Variants in BTBD7 observed in about 807,000 individuals in gnomAD.
BTBD7 encodes BTB domain containing 7.
BTBD7 carries 38 observed loss-of-function variants against 99.9 expected under a neutral mutation model. The ratio of observed to expected loss-of-function variants is 0.38; its 90% CI spans 0.29 to 0.50. The LOEUF (loss-of-function observed/expected upper bound fraction) is 0.50, where lower values mean the gene tolerates loss of function less well. BTBD7 is among the 20% of genes least tolerant of loss of function. The probability of loss-of-function intolerance (pLI) is 0.93; values close to 1 mark genes in which losing one functional copy is unlikely to be tolerated. For synonymous variants in BTBD7, 520 were observed against 511.4 expected, an observed-to-expected ratio of 1.02 and a Z score of -0.23; for missense variants, 1,170 against 1,394.6, an observed-to-expected ratio of 0.84 and a Z score of 2.57.
chr14:93,251,343 G>C, intron 8 of BTBD7, 120 bp downstream of exon 8: 1 of 1,087,172 alleles, frequency 9.2e-7, no homozygotes, highest in Non-Finnish European at 1.3e-6. Context: ...AGGAGAACAA[G>C]GCATAAAAAG....
intron 8 of BTBD7, 95 bp downstream of exon 8, chr14:93,251,368 G>T: frequency 8.0e-7 from 1 of 1,256,840 alleles, no homozygotes; most frequent in South Asian, 2.0e-5. Context: ...GAAATGTGGA[G>T]AGAATTAGCA....
chr14:93,267,333 A>G (rs1282762805), intron 3 of BTBD7, among the ~76,000 whole-genome samples: 2 of 152,234 alleles, frequency 1.3e-5, no homozygotes, highest in African/African-American at 4.8e-5. Context: ...CACTTTAGGC[A>G]AATCACTTCA....
In BTBD7 at chr14:93,328,152, T is replaced by C. The variant is rs965876772; in HGVS notation, c.-107+4668A>G. On this transcript the variant is annotated intron_variant, in intron 1 of 10. Coordinates refer to ENST00000334746, the MANE Select transcript of BTBD7 (RefSeq NM_001002860.4). ...TAAATGGAAAGATATTCCATGTTCATGGACTGGAAGACAGTATTTAGATGT... is the reference window on the plus strand; with the variant it reads ...TAAATGGAAAGATATTCCATGTTCACGGACTGGAAGACAGTATTTAGATGT... Among the ~76,000 whole-genome samples the C allele has an allele frequency of 5.9e-5, 9 of 152,332 alleles. 1 individual carries two copies. In the South Asian group the frequency reaches 1.0e-3, roughly 18 times the overall value.
intron 1 of BTBD7, among the ~76,000 whole-genome samples, chr14:93,312,586 C>A (rs2053150360): frequency 6.6e-6 from 1 of 152,148 alleles, no homozygotes; most frequent in South Asian, 2.1e-4. Context: ...CCCAGAGATT[C>A]CCTCCTTGTC....
chr14:93,239,357 T>C lies in BTBD7; in HGVS notation c.*2916A>G, dbSNP rs910219069. The C allele has an allele frequency of 1.3e-5, 2 of 152,528 alleles. No homozygotes were observed. The highest frequency in any genetic ancestry group is 2.9e-5 in the Non-Finnish European group (2 of 68,020). The allele number at this position is 152,528 out of a possible 1,614,324, so 9.4% of individuals were successfully genotyped here. On this transcript the variant is annotated 3_prime_UTR_variant, in exon 11 of 11. Transcript: ENST00000334746. ...GATTGTCCACGATCTCAAAAGGAGA[T>C]CTGGTATTTTTGTGATTTGGTTCTC...
intron 8 of BTBD7, among the ~76,000 whole-genome samples, chr14:93,251,156 T>G (rs1319617753): frequency 2.6e-5 from 4 of 152,174 alleles, no homozygotes; most frequent in African/African-American, 4.8e-5. Context: ...AGGCCAGGAA[T>G]GCAGCTGACC....
chr14:93,296,109 C>A lies in BTBD7; in HGVS notation c.-58G>T. The stretch of plus-strand genomic sequence containing the variant: ...GTTCTTCAGAGTATAATCCCAGAGG[C>A]CTTTATGAACCTTCAACCCTGGATC... On this transcript the variant is annotated 5_prime_UTR_variant, in exon 2 of 11. Coordinates refer to ENST00000334746, the MANE Select transcript of BTBD7 (RefSeq NM_001002860.4). 1.3e-6 allele frequency: 2 copies of A among 1,564,914 alleles called. No individual in the cohort carries two copies. Among genetic ancestry groups the A allele is most frequent in the Non-Finnish European group, 1.7e-6 (2 of 1,153,500 alleles).
intron 3 of BTBD7, among the ~76,000 whole-genome samples, chr14:93,265,949 C>A (rs148877055): frequency 6.6e-6 from 1 of 152,198 alleles, no homozygotes; most frequent in African/African-American, 2.4e-5. Flanking sequence ...AAACAAAAAT[C>A]TTGGATAATG....
chr14:93,325,189 C>T (rs1311691911), intron 1 of BTBD7, among the ~76,000 whole-genome samples: 1 of 146,018 alleles, frequency 6.8e-6, no homozygotes, highest in Non-Finnish European at 1.5e-5. Flanking sequence ...TCTTGGCTCA[C>T]TGCAACCTCC....
intron 1 of BTBD7, among the ~76,000 whole-genome samples, chr14:93,319,654 G>A (rs1373456084): frequency 1.3e-5 from 2 of 152,140 alleles, no homozygotes; most frequent in Non-Finnish European, 2.9e-5. Context: ...GGGGCTGGGG[G>A]GAAATGCAGA....
chr14:93,257,237 A>C lies in BTBD7; in HGVS notation c.1566T>G (p.Ile522Met). Reference protein sequence around the residue: ...ILSSLLPFVRIEHILPINSEV... With the variant: ...ILSSLLPFVRMEHILPINSEV... ...CACTGTTTATAGGTAAGATGTGTTC[A>C]ATTCGCACAAAAGGTAAGAGAGAAG... The change falls in exon 6 of 11, where the codon ATT (isoleucine) becomes ATG (methionine). Residue 522 changes from isoleucine to methionine, a missense_variant. Around this residue, in one of 4 missense-constraint regions of BTBD7, gnomAD observed 309 missense variants for 342.0 expected, o/e 0.90. Transcript: ENST00000334746. The C allele has an allele frequency of 6.2e-7, 1 of 1,614,188 alleles. No homozygotes were observed. Among genetic ancestry groups the C allele is most frequent in the Non-Finnish European group, 8.5e-7 (1 of 1,180,012 alleles).
chr14:93,301,796 C>T (rs1406026516), intron 1 of BTBD7, among the ~76,000 whole-genome samples: 2 of 152,192 alleles, frequency 1.3e-5, no homozygotes, highest in Non-Finnish European at 2.9e-5. Flanking sequence ...TTATAACAGA[C>T]CATAGGCATT....
intron 1 of BTBD7, among the ~76,000 whole-genome samples, chr14:93,297,947 G>A (rs1406369458): frequency 6.6e-6 from 1 of 152,244 alleles, no homozygotes; most frequent in Admixed American, 6.5e-5. Flanking sequence ...AGTGTAAGGG[G>A]AGATGGTGAA....
chr14:93,280,017 C>T (rs554626562), intron 3 of BTBD7, among the ~76,000 whole-genome samples: 1 of 152,284 alleles, frequency 6.6e-6, no homozygotes, highest in East Asian at 1.9e-4. Context: ...CTGTATCCAT[C>T]TACTTTTATT....
chr14:93,275,357 TG>T (rs59163061), intron 3 of BTBD7, among the ~76,000 whole-genome samples: 25,440 of 152,182 alleles, frequency 0.17, 2,349 homozygotes, highest in East Asian at 0.31. Context: ...CTCTGAACAG[TG>T]GGAAGAATAT....
At chr14:93,289,844 C>T (rs2052825480) in intron 3 of BTBD7, among the ~76,000 whole-genome samples, 1 of 146,440 alleles carries the variant, frequency 6.8e-6, no homozygotes, top group Admixed American at 6.9e-5. Context: ...AATCTCAACT[C>T]TCTGGGCTTT....
In BTBD7 at chr14:93,246,208, G is replaced by A. The variant is rs200005388; in HGVS notation, c.2200C>T (p.Arg734Cys). 6.6e-5 allele frequency: 106 copies of A among 1,607,316 alleles called. No individual in the cohort carries two copies. The highest frequency in any genetic ancestry group is 5.2e-4 in the South Asian group (47 of 90,056). Residue 734 changes from arginine to cysteine, a missense_variant, in exon 10 of 11, where the codon CGC becomes TGC. Physicochemically the swap from Arg to Cys is radical, Grantham distance 180. This residue lies in a region of BTBD7 where 495 missense variants were observed against 525.9 expected (regional missense o/e 0.94). Coordinates refer to ENST00000334746, the MANE Select transcript of BTBD7 (RefSeq NM_001002860.4). ...LLTMRQPGRC[R>C]VNSTPPAETM... Reference sequence around the variant, plus strand: ...TCTGCAGGAGGTGTACTGTTTACGCGACATCTCCCAGGCTGTCTCATTGTC... The same window carrying A: ...TCTGCAGGAGGTGTACTGTTTACGCAACATCTCCCAGGCTGTCTCATTGTC...
At position 93,239,300 on chromosome 14, in the gene BTBD7, G is replaced by A. The variant is rs924555184; in HGVS notation, c.*2973C>T. On this transcript the variant is annotated 3_prime_UTR_variant, in exon 11 of 11. Transcript: ENST00000334746. ...TAGGTCTCTAACCTCAACGCACAGCGGGCACTGGAAGCGGTGATTGTCCAA... is the reference window on the plus strand; with the variant it reads ...TAGGTCTCTAACCTCAACGCACAGCAGGCACTGGAAGCGGTGATTGTCCAA... 2.6e-5 allele frequency: 4 copies of A among 152,486 alleles called. No homozygotes were observed. The highest frequency in any genetic ancestry group is 1.3e-4 in the Admixed American group (2 of 15,272). The allele number at this position is 152,486 out of a possible 1,614,324, so 9.4% of individuals were successfully genotyped here. A position where few individuals can be genotyped will look rare whatever the true frequency, so the allele number is the denominator to read the frequency against.
intron 8 of BTBD7, among the ~76,000 whole-genome samples, chr14:93,249,086 T>G (rs993605011): frequency 4.0e-5 from 6 of 151,840 alleles, no homozygotes; most frequent in Non-Finnish European, 8.8e-5. Flanking sequence ...TCTGGCTTAG[T>G]GATATGAACT....
Sources: allele counts gnomAD v4.1 joint callset (sites outside exome capture counted in the v4.1 genomes callset), GRCh38; gene constraint gnomAD v4.1.1; regional missense constraint gnomAD v4.1.1; transcripts MANE v1.5; gene names NCBI Gene and HGNC (gene_info 2026-07-23, HGNC 2026-07-21).